The following LUZP2 variants were observed in gnomAD, a reference collection of about 807,000 sequenced individuals.
LUZP2 encodes leucine zipper protein 2.
In LUZP2, 52 loss-of-function variants were observed where a neutral mutation model predicts 51.6. The ratio of observed to expected loss-of-function variants is 1.01; its 90% CI spans 0.81 to 1.27. The LOEUF (loss-of-function observed/expected upper bound fraction) is 1.27. Among genes scored for constraint, LUZP2 ranks in the 50% most tolerant of loss-of-function variants. The pLI is 0.00. For synonymous variants in LUZP2, 154 were observed against 137.3 expected (o/e 1.12, Z -0.85); for missense variants, 436 against 395.4 (o/e 1.10, Z -0.87).
intron 1 of LUZP2, among the ~76,000 whole-genome samples, chr11:24,649,585 T>C (rs1050880517): frequency 1.3e-5 from 2 of 152,004 alleles, no homozygotes; most frequent in African/African-American, 4.8e-5. Flanking sequence ...GCTTTTCTGG[T>C]GTTCGAAGAG....
chr11:24,606,668 A>G (rs1853929102), intron 1 of LUZP2, among the ~76,000 whole-genome samples: 1 of 152,026 alleles, frequency 6.6e-6, no homozygotes, highest in African/African-American at 2.4e-5. Flanking sequence ...ATGTATGCCC[A>G]GAAGTAGAGA....
intron 1 of LUZP2, among the ~76,000 whole-genome samples, chr11:24,564,549 T>G (rs1402927246): frequency 6.6e-6 from 1 of 152,074 alleles, no homozygotes; most frequent in Admixed American, 6.6e-5. Flanking sequence ...TTCACTATAG[T>G]TGTATGTAAG....
At chr11:24,873,197 T>C (rs978017172) in intron 5 of LUZP2, among the ~76,000 whole-genome samples, 6 of 152,160 alleles carry the variant, frequency 3.9e-5, no homozygotes, top group Admixed American at 6.6e-5. Flanking sequence ...TAAAATGTGG[T>C]CACAAGAATT....
chr11:24,723,806 G>A (rs1378106885), intron 1 of LUZP2, among the ~76,000 whole-genome samples: 1 of 152,108 alleles, frequency 6.6e-6, no homozygotes, highest in Non-Finnish European at 1.5e-5. Flanking sequence ...ACTCCAGCCT[G>A]TGTGAGAGAG....
intron 1 of LUZP2, among the ~76,000 whole-genome samples, chr11:24,668,943 A>G (rs1249325559): frequency 2.0e-5 from 3 of 152,234 alleles, no homozygotes; most frequent in Non-Finnish European, 4.4e-5. Context: ...TGTTGCAGAA[A>G]ATGTCAAACT....
At chr11:24,829,072 G>C (rs1850622270) in intron 5 of LUZP2, among the ~76,000 whole-genome samples, 1 of 152,164 alleles carries the variant, frequency 6.6e-6, no homozygotes, top group Non-Finnish European at 1.5e-5. Context: ...GCCAACTGCT[G>C]AGAGAAGAAA....
chr11:24,616,478 T>C (rs56254525), intron 1 of LUZP2, among the ~76,000 whole-genome samples: 4,208 of 147,290 alleles, frequency 0.029, 97 homozygotes, highest in South Asian at 0.11. Context: ...CGTGCGCATG[T>C]GTGTGTGTGT....
At chr11:24,760,116 G>A (rs1859928042) in intron 4 of LUZP2, among the ~76,000 whole-genome samples, 1 of 152,104 alleles carries the variant, frequency 6.6e-6, no homozygotes. Flanking sequence ...ATCGGCAATT[G>A]GCAAAGATAT....
chr11:24,640,094 T>C (rs1245235220), intron 1 of LUZP2, among the ~76,000 whole-genome samples: 1 of 151,916 alleles, frequency 6.6e-6, no homozygotes, highest in Non-Finnish European at 1.5e-5. Flanking sequence ...AGTTATCTTT[T>C]TGACATCTGT....
chr11:24,649,888 T>G (rs1484126014), intron 1 of LUZP2, among the ~76,000 whole-genome samples: 1 of 151,916 alleles, frequency 6.6e-6, no homozygotes, highest in Non-Finnish European at 1.5e-5. Flanking sequence ...AGTTCATTTA[T>G]TTTTAGAGAT....
chr11:24,532,312 TAAG>T (rs1363306744), intron 1 of LUZP2, among the ~76,000 whole-genome samples: 2 of 150,944 alleles, frequency 1.3e-5, no homozygotes, highest in Non-Finnish European at 3.0e-5. Context: ...AATCTGTATT[TAAG>T]TTCTTTGAGA....
chr11:24,671,570 A>T (rs1310645846), intron 1 of LUZP2, among the ~76,000 whole-genome samples: 1 of 151,694 alleles, frequency 6.6e-6, no homozygotes, highest in African/African-American at 2.4e-5. Context: ...TTACACACAC[A>T]CACACACACA....
At chr11:25,051,528 C>A (rs1055607558) in intron 10 of LUZP2, among the ~76,000 whole-genome samples, 1 of 152,120 alleles carries the variant, frequency 6.6e-6, no homozygotes, top group African/African-American at 2.4e-5. Context: ...ACGGGTAGGT[C>A]TTTGACAGTG....
intron 1 of LUZP2, among the ~76,000 whole-genome samples, chr11:24,504,577 C>T (rs1371254413): frequency 6.6e-6 from 1 of 152,058 alleles, no homozygotes; most frequent in African/African-American, 2.4e-5. Context: ...AAGTGTGTCT[C>T]AGGGCACATA....
At chr11:24,941,067 A>C (rs570022284) in intron 7 of LUZP2, among the ~76,000 whole-genome samples, 3 of 152,178 alleles carry the variant, frequency 2.0e-5, no homozygotes, top group African/African-American at 7.2e-5. Context: ...TGTTGCGTTT[A>C]GATAGAAGAG....
chr11:25,052,029 T>G (rs1459355340), intron 10 of LUZP2, among the ~76,000 whole-genome samples: 1 of 152,162 alleles, frequency 6.6e-6, no homozygotes, highest in African/African-American at 2.4e-5. Context: ...GGTCTCAGTC[T>G]GGACCTGGGG....
chr11:24,538,039 A>C lies in LUZP2; in HGVS notation c.62+40734A>C, dbSNP rs193158377. 3.9e-5 allele frequency among the ~76,000 whole-genome samples: 6 copies of C among 151,966 alleles called. No individual in the cohort carries two copies. In the East Asian group the frequency reaches 7.8e-4, roughly 20 times the overall value. On this transcript the variant is annotated intron_variant, in intron 1 of 11. Coordinates refer to ENST00000336930, the MANE Select transcript of LUZP2 (RefSeq NM_001009909.4). ...TTCTTTGAAGAGAAGGAACTAGTACATTTCCTCCATGAGCTCAAACATTAC... is the reference window on the plus strand; with the variant it reads ...TTCTTTGAAGAGAAGGAACTAGTACCTTTCCTCCATGAGCTCAAACATTAC...
chr11:24,908,725 A>G (rs1376470463), intron 6 of LUZP2, among the ~76,000 whole-genome samples: 2 of 151,524 alleles, frequency 1.3e-5, no homozygotes, highest in Non-Finnish European at 2.9e-5. Flanking sequence ...ATCCTCAGAC[A>G]GGAAGTTGCT....
At chr11:24,573,794 A>C (rs563686570) in intron 1 of LUZP2, among the ~76,000 whole-genome samples, 1 of 152,066 alleles carries the variant, frequency 6.6e-6, no homozygotes, top group Non-Finnish European at 1.5e-5. Context: ...AAAAGCACAC[A>C]GATTACCTGT....
Sources: gnomAD v4.1 joint callset for allele counts (sites outside exome capture counted in the v4.1 genomes callset) on GRCh38, gnomAD v4.1.1 for gene constraint, MANE v1.5 for transcripts, NCBI Gene and HGNC (gene_info 2026-07-23, HGNC 2026-07-21) for gene names.